The following RNF180 variants were observed in gnomAD, a reference collection of about 807,000 sequenced individuals.
RNF180 encodes the protein E3 ubiquitin-protein ligase RNF180.
In RNF180, 38 loss-of-function variants were observed where a neutral mutation model predicts 59.2. The ratio of observed to expected loss-of-function variants is 0.64; its 90% CI spans 0.50 to 0.84. RNF180 has a LOEUF of 0.84. Ranked by LOEUF, RNF180 falls within the 40% of genes least tolerant of loss-of-function variation. RNF180 has a pLI of 0.00. For missense variants in RNF180, 705 were observed against 700.9 expected, an observed-to-expected ratio of 1.01 and a Z score of -0.07; for synonymous variants, 262 against 240.3, an observed-to-expected ratio of 1.09 and a Z score of -0.84.
intron 2 of RNF180, among the ~76,000 whole-genome samples, chr5:64,202,827 A>G (rs895582871): frequency 4.6e-5 from 7 of 152,184 alleles, no homozygotes; most frequent in Non-Finnish European, 1.0e-4. Context: ...AAGATAACCT[A>G]TCATCTCCAT....
At chr5:64,349,725 A>G (rs1202242724) in intron 7 of RNF180, among the ~76,000 whole-genome samples, 1 of 151,998 alleles carries the variant, frequency 6.6e-6, no homozygotes, top group East Asian at 1.9e-4. Flanking sequence ...GCTGGGAATG[A>G]TGGTTTCCAG....
chr5:64,369,604 A>G lies in RNF180; in HGVS notation c.1580-11A>G. The stretch of plus-strand genomic sequence containing the variant: ...ATTTAATGGGCTTTAATATGTTCAT[A>G]CATCTTCTAGGTTTCCGCAGACATG... On this transcript the variant is annotated splice_polypyrimidine_tract_variant and intron_variant, in intron 7 of 7. Transcript: ENST00000389100. 1 of 1,488,878 alleles carries G rather than the reference A, an allele frequency of 6.7e-7. No homozygotes were observed. The highest frequency in any genetic ancestry group is 8.9e-7 in the Non-Finnish European group (1 of 1,120,986). 92.2% of individuals were successfully genotyped at this position (1,488,878 alleles called of 1,614,324 possible). A position where few individuals can be genotyped will look rare whatever the true frequency, so the allele number is the denominator to read the frequency against.
chr5:64,247,840 G>A (rs186187896), intron 5 of RNF180, among the ~76,000 whole-genome samples: 137 of 152,186 alleles, frequency 9.0e-4, no homozygotes, highest in Non-Finnish European at 1.2e-3. Context: ...GAACTATCAC[G>A]CTACCTGACT....
At chr5:64,311,025 T>C (rs770900199) in intron 5 of RNF180, among the ~76,000 whole-genome samples, 1 of 151,864 alleles carries the variant, frequency 6.6e-6, no homozygotes, top group Non-Finnish European at 1.5e-5. Flanking sequence ...CTTTCAGACT[T>C]AAAAATACCA....
At position 64,213,931 on chromosome 5, in the gene RNF180, C is replaced by T; in HGVS notation, c.605C>T (p.Ala202Val). The change falls in exon 4 of 8, where the codon GCA (alanine) becomes GTA (valine). Residue 202 changes from alanine (A) to valine (V), a missense_variant. Ala to Val is a moderately conservative substitution (Grantham distance 64). Coordinates refer to ENST00000389100, the MANE Select transcript of RNF180 (RefSeq NM_001113561.2). ...AAGAACGAAAAACTGCTGTCCAAAG[C>T]ATCAGAACCAAAATACCAGCTTTTT... ...EMKNEKLLSK[A>V]SEPKYQLFVP... 1.2e-6 allele frequency: 2 copies of T among 1,614,056 alleles called. No homozygotes were observed. The highest frequency in any genetic ancestry group is 1.7e-6 in the Non-Finnish European group (2 of 1,179,982).
At chr5:64,346,343 CT>C (rs1403287150) in intron 7 of RNF180, among the ~76,000 whole-genome samples, 1 of 66,570 alleles carries the variant, frequency 1.5e-5, no homozygotes, top group Non-Finnish European at 3.4e-5. Context: ...TTCTATTCTT[CT>C]TTTTTTCTTT....
At chr5:64,337,307 C>A (rs1407161098) in intron 7 of RNF180, among the ~76,000 whole-genome samples, 5 of 152,050 alleles carry the variant, frequency 3.3e-5, no homozygotes, top group African/African-American at 1.2e-4. Flanking sequence ...CCCTGCCAAG[C>A]CTCGCTTAGA....
chr5:64,257,895 A>T (rs1170516654), intron 5 of RNF180, among the ~76,000 whole-genome samples: 1 of 152,218 alleles, frequency 6.6e-6, no homozygotes, highest in African/African-American at 2.4e-5. Flanking sequence ...TCTGTGTGTC[A>T]GATACTCTTC....
intron 5 of RNF180, among the ~76,000 whole-genome samples, chr5:64,280,360 T>A (rs1034694587): frequency 6.6e-6 from 1 of 152,196 alleles, no homozygotes; most frequent in African/African-American, 2.4e-5. Flanking sequence ...TGCTGTTGCT[T>A]TGTCTTTGTA....
At chr5:64,257,861 A>C (rs1370445302) in intron 5 of RNF180, among the ~76,000 whole-genome samples, 1 of 152,188 alleles carries the variant, frequency 6.6e-6, no homozygotes, top group Non-Finnish European at 1.5e-5. Flanking sequence ...GATATACAGG[A>C]ATTGAACTCA....
chr5:64,229,271 A>C (rs972844052), intron 5 of RNF180, among the ~76,000 whole-genome samples: 1 of 152,162 alleles, frequency 6.6e-6, no homozygotes, highest in African/African-American at 2.4e-5. Context: ...CTGTCCTGAA[A>C]TATGCTATTT....
At chr5:64,283,957 G>C (rs558577806) in intron 5 of RNF180, among the ~76,000 whole-genome samples, 3 of 152,078 alleles carry the variant, frequency 2.0e-5, no homozygotes, top group Non-Finnish European at 4.4e-5. Flanking sequence ...TAATATCAAT[G>C]GTTTATGTAC....
chr5:64,203,561 G>T (rs556571563), intron 2 of RNF180, among the ~76,000 whole-genome samples: 2 of 152,054 alleles, frequency 1.3e-5, no homozygotes, highest in African/African-American at 4.8e-5. Context: ...CATAATAAAA[G>T]ATGTAAACCA....
intron 5 of RNF180, among the ~76,000 whole-genome samples, chr5:64,305,912 T>C (rs765649845): frequency 6.6e-5 from 10 of 151,608 alleles, no homozygotes; most frequent in Non-Finnish European, 8.9e-5. Flanking sequence ...AACCATGCAA[T>C]GACTCTTTAA....
At chr5:64,296,840 A>C (rs1048031954) in intron 5 of RNF180, among the ~76,000 whole-genome samples, 3 of 151,884 alleles carry the variant, frequency 2.0e-5, no homozygotes, top group African/African-American at 7.3e-5. Context: ...AGGAGGTACC[A>C]TTTTCTCTAC....
At chr5:64,363,424 G>A (rs1021986995) in intron 7 of RNF180, among the ~76,000 whole-genome samples, 1 of 151,466 alleles carries the variant, frequency 6.6e-6, no homozygotes, top group Non-Finnish European at 1.5e-5. Context: ...CTTATTTTGG[G>A]GCTCTCTATT....
intron 5 of RNF180, among the ~76,000 whole-genome samples, chr5:64,307,294 C>A (rs1348450229): frequency 6.6e-6 from 1 of 151,180 alleles, no homozygotes; most frequent in African/African-American, 2.4e-5. Context: ...GACATGAAAC[C>A]TATTTGCTAT....
Position 64,214,126 on chromosome 5 carries a change from C to A in RNF180, c.800C>A (p.Ser267Ter). The part of the protein sequence containing the change: ...RLNETQPIDL[S>*]GLPLQSSKNS... ...AATGAAACACAGCCTATTGACCTTT[C>A]AGGCTTGCCTTTACAATCTAGTAAA... Residue 267 changes from serine to a stop codon, truncating the protein, a stop_gained, in exon 4 of 8, where the codon TCA (serine) becomes TAA (stop). Transcript: ENST00000389100. LOFTEE classifies it high-confidence loss of function. 1 of 1,614,090 alleles carries A rather than the reference C, an allele frequency of 6.2e-7. No individual in the cohort carries two copies. The highest frequency in any genetic ancestry group is 8.5e-7 in the Non-Finnish European group (1 of 1,179,990).
chr5:64,341,007 C>A (rs1410181368), intron 7 of RNF180, among the ~76,000 whole-genome samples: 3 of 151,996 alleles, frequency 2.0e-5, no homozygotes, highest in African/African-American at 4.8e-5. Flanking sequence ...AATTTTTAGT[C>A]TTTTCATTAT....
Sources: allele counts gnomAD v4.1 joint callset (sites outside exome capture counted in the v4.1 genomes callset), GRCh38; gene constraint gnomAD v4.1.1; transcripts MANE v1.5; gene names NCBI Gene and HGNC (gene_info 2026-07-23, HGNC 2026-07-21).